The following CFAP276 variants were observed in gnomAD, a reference collection of about 807,000 sequenced individuals.
CFAP276 encodes the protein cilia and flagella associated protein 276, also known as cilia- and flagella-associated protein 276.
chr1:109,112,719 G>A, the CFAP276 span: 5 of 1,545,896 alleles, frequency 3.2e-6, no homozygotes, highest in Non-Finnish European at 4.4e-6. Context: ...TGGGAGGCCC[G>A]CTCAGCCGCA....
chr1:109,113,088 G>A, the CFAP276 span, among the ~76,000 whole-genome samples: 1 of 152,222 alleles, frequency 6.6e-6, no homozygotes, highest in Non-Finnish European at 1.5e-5. Flanking sequence ...AGAGAATGAG[G>A]ATGTCAAGAG....
chr1:109,112,794 GCAA>G, the CFAP276 span: 1 of 1,474,348 alleles, frequency 6.8e-7, no homozygotes, highest in Admixed American at 2.3e-5. Flanking sequence ...CGGTTGCCAG[GCAA>G]CTGCCCAGCC....
At chr1:109,107,502 A>C in the CFAP276 span, among the ~76,000 whole-genome samples, 1 of 152,224 alleles carries the variant, frequency 6.6e-6, no homozygotes, top group East Asian at 1.9e-4. Flanking sequence ...CAGAGGCCAG[A>C]TAAATTGATT....
chr1:109,113,240 A>C, the CFAP276 span, among the ~76,000 whole-genome samples: 2 of 151,996 alleles, frequency 1.3e-5, no homozygotes, highest in Non-Finnish European at 2.9e-5. Flanking sequence ...AAGTAGGAAA[A>C]AAATTAGCTG....
chr1:109,112,016 A>C, the CFAP276 span, among the ~76,000 whole-genome samples: 1 of 152,180 alleles, frequency 6.6e-6, no homozygotes, highest in Non-Finnish European at 1.5e-5. Flanking sequence ...ATAAATAAAA[A>C]GGGGCTCTCA....
chr1:109,106,172 A>G, the CFAP276 span: 111,321 of 1,271,858 alleles, frequency 0.088, 5,835 homozygotes, highest in South Asian at 0.19. Flanking sequence ...TTAAACATCA[A>G]TACATTTGTA....
At chr1:109,108,068 C>T in the CFAP276 span, 1 of 1,455,156 alleles carries the variant, frequency 6.9e-7, no homozygotes, top group Non-Finnish European at 9.6e-7. Context: ...CCAGGACAAC[C>T]TGGTTATACG....
chr1:109,112,778 T>G, the CFAP276 span: 21 of 1,494,430 alleles, frequency 1.4e-5, no homozygotes, highest in South Asian at 2.6e-4. Context: ...TTTGGAGCGC[T>G]GGTTTCGGTT....
the CFAP276 span, chr1:109,106,117 A>G: frequency 6.2e-7 from 1 of 1,600,770 alleles, no homozygotes; most frequent in Non-Finnish European, 8.5e-7. Context: ...AAAAGAGAAG[A>G]GGAAGTGGAC....
chr1:109,111,881 A>G, the CFAP276 span, among the ~76,000 whole-genome samples: 1 of 152,342 alleles, frequency 6.6e-6, no homozygotes, highest in South Asian at 2.1e-4. Context: ...CTATTGTGCA[A>G]GCATTTTTGC....
At chr1:109,107,067 C>T in the CFAP276 span, 11 of 1,614,056 alleles carry the variant, frequency 6.8e-6, no homozygotes, top group South Asian at 1.2e-4. Flanking sequence ...CTTGAATGTC[C>T]CAGTGTGGTG....
chr1:109,112,916 G>T, the CFAP276 span, among the ~76,000 whole-genome samples: 2 of 128,914 alleles, frequency 1.6e-5, no homozygotes, highest in African/African-American at 7.6e-5. Context: ...TCCGCTGAGC[G>T]GGCCCGAGAC....
chr1:109,112,735 G>C, the CFAP276 span: 1 of 1,539,356 alleles, frequency 6.5e-7, no homozygotes, highest in Non-Finnish European at 8.7e-7. Context: ...CCGCAGCACA[G>C]CCTCACTGGC....
the CFAP276 span, chr1:109,112,843 C>T: frequency 8.2e-7 from 1 of 1,219,028 alleles, no homozygotes; most frequent in Non-Finnish European, 1.1e-6. Flanking sequence ...AGGAGGGCGC[C>T]ACCTGGCGGC....
At chr1:109,113,579 A>G in the CFAP276 span, 1 of 1,581,778 alleles carries the variant, frequency 6.3e-7, no homozygotes, top group Middle Eastern at 1.7e-4. Flanking sequence ...GCACGGATGG[A>G]TTTGGCGGGA....
chr1:109,112,872 G>A, the CFAP276 span: 1 of 883,094 alleles, frequency 1.1e-6, no homozygotes, highest in African/African-American at 1.7e-5. Flanking sequence ...GGAGGCCCCT[G>A]GGGAGGAAGC....
the CFAP276 span, chr1:109,106,016 G>T: frequency 6.2e-7 from 1 of 1,605,708 alleles, no homozygotes; most frequent in Non-Finnish European, 8.5e-7. Context: ...TTAGTTCAGG[G>T]ATCTGTCAAC....
At chr1:109,107,941 C>T in the CFAP276 span, 1 of 1,608,812 alleles carries the variant, frequency 6.2e-7, no homozygotes, top group Non-Finnish European at 8.5e-7. Flanking sequence ...AAATAGTAGG[C>T]ATCCCGCCTC....
chr1:109,106,698 T>C, the CFAP276 span: 1 of 1,601,356 alleles, frequency 6.2e-7, no homozygotes, highest in Non-Finnish European at 8.5e-7. Context: ...GAGAGTGAAA[T>C]CAATCAGAGA....
Sources: allele counts gnomAD v4.1 joint callset (sites outside exome capture counted in the v4.1 genomes callset), GRCh38; gene constraint gnomAD v4.1.1; transcripts MANE v1.5; gene names NCBI Gene and HGNC (gene_info 2026-07-23, HGNC 2026-07-21).